Variants in CNTNAP2 observed in about 807,000 individuals in gnomAD.
CNTNAP2 encodes the protein contactin-associated protein-like 2.
CNTNAP2 carries 98 observed loss-of-function variants against 155.2 expected under a neutral mutation model. The ratio of observed to expected loss-of-function variants is 0.63; its 90% CI spans 0.54 to 0.75. The LOEUF (loss-of-function observed/expected upper bound fraction) is 0.75, where lower values mean the gene tolerates loss of function less well. Among genes scored for constraint, CNTNAP2 ranks in the 30% least tolerant of loss-of-function variants. The pLI is 0.00. For missense variants in CNTNAP2, 1,727 were observed against 1,688.1 expected (o/e 1.02, Z -0.40); for synonymous variants, 651 against 631.2 (o/e 1.03, Z -0.47).
intron 21 of CNTNAP2, among the ~76,000 whole-genome samples, chr7:148,289,131 C>T (rs1315633546): frequency 1.3e-5 from 2 of 152,096 alleles, no homozygotes; most frequent in African/African-American, 4.8e-5. Context: ...ACCCTATCAG[C>T]TCAGCGCTCT....
chr7:148,018,551 C>T (rs1802221513), intron 15 of CNTNAP2, among the ~76,000 whole-genome samples: 1 of 152,178 alleles, frequency 6.6e-6, no homozygotes, highest in African/African-American at 2.4e-5. Context: ...AAGGAGAAGG[C>T]ATGAATGTTG....
At chr7:146,153,976 C>T (rs1043496872) in intron 1 of CNTNAP2, among the ~76,000 whole-genome samples, 1 of 151,886 alleles carries the variant, frequency 6.6e-6, no homozygotes, top group Non-Finnish European at 1.5e-5. Context: ...TTTTTAAATA[C>T]ATTCATATGA....
intron 11 of CNTNAP2, among the ~76,000 whole-genome samples, chr7:147,489,216 T>A (rs561420047): frequency 6.6e-6 from 1 of 152,302 alleles, no homozygotes; most frequent in African/African-American, 2.4e-5. Flanking sequence ...ACTTTGTTTT[T>A]ACGTAAATTA....
In CNTNAP2 at chr7:147,081,417, C is replaced by CTTTTTTT. The variant is rs3083770; in HGVS notation, c.551-26720_551-26714dup. On this transcript the variant is annotated intron_variant, in intron 4 of 23. Transcript: ENST00000361727. ...CTCATCACTTAAAAACTAAGAGATT[C>CTTTTTTT]TTTTTTTTTTTTTTTTCTGAGACAG... 1.4e-5 allele frequency: 2 copies of CTTTTTTT among 140,248 alleles called. 1 individual carries two copies. Among genetic ancestry groups the CTTTTTTT allele is most frequent in the Non-Finnish European group, 3.0e-5 (2 of 65,802 alleles). 8.7% of individuals were successfully genotyped at this position (140,248 alleles called of 1,614,324 possible). A position where few individuals can be genotyped will look rare whatever the true frequency, so the allele number is the denominator to read the frequency against.
intron 3 of CNTNAP2, among the ~76,000 whole-genome samples, chr7:146,934,230 G>A (rs1237355071): frequency 1.3e-5 from 2 of 151,940 alleles, no homozygotes; most frequent in African/African-American, 4.8e-5. Flanking sequence ...AGAAAATGTG[G>A]CACATATACA....
At chr7:146,984,480 T>G (rs1271191359) in intron 3 of CNTNAP2, among the ~76,000 whole-genome samples, 3 of 152,186 alleles carry the variant, frequency 2.0e-5, no homozygotes, top group Non-Finnish European at 4.4e-5. Context: ...ATTCTGTTTT[T>G]TATTCTTTGT....
intron 3 of CNTNAP2, among the ~76,000 whole-genome samples, chr7:147,027,912 T>G (rs1798953651): frequency 6.6e-6 from 1 of 152,168 alleles, no homozygotes; most frequent in African/African-American, 2.4e-5. Context: ...TAAACACAGT[T>G]TTGATGATAA....
intron 1 of CNTNAP2, among the ~76,000 whole-genome samples, chr7:146,460,222 C>A (rs1414223104): frequency 6.6e-6 from 1 of 152,010 alleles, no homozygotes; most frequent in Non-Finnish European, 1.5e-5. Flanking sequence ...AAAAGCAGTT[C>A]AATACATTAC....
intron 12 of CNTNAP2, among the ~76,000 whole-genome samples, chr7:147,587,368 C>A (rs1479126095): frequency 1.3e-5 from 2 of 152,138 alleles, no homozygotes; most frequent in Non-Finnish European, 2.9e-5. Flanking sequence ...AGTTGGTGAG[C>A]CTTCCTCTGT....
At chr7:147,934,451 A>C (rs901778722) in intron 14 of CNTNAP2, among the ~76,000 whole-genome samples, 1 of 152,148 alleles carries the variant, frequency 6.6e-6, no homozygotes, top group Non-Finnish European at 1.5e-5. Flanking sequence ...CTATCATGAG[A>C]ACAGCATGGG....
At chr7:146,949,593 A>G (rs1797267288) in intron 3 of CNTNAP2, among the ~76,000 whole-genome samples, 1 of 152,138 alleles carries the variant, frequency 6.6e-6, no homozygotes, top group South Asian at 2.1e-4. Context: ...CCCTTGCATT[A>G]TTTAGTCATA....
rs540072456 is a variant in CNTNAP2, at chr7:146,661,793, T to C, written c.98-112478T>C. 6.6e-5 allele frequency among the ~76,000 whole-genome samples: 10 copies of C among 151,610 alleles called. No homozygotes were observed. In the East Asian group the frequency reaches 1.2e-3, roughly 18 times the overall value. On this transcript the variant is annotated intron_variant, in intron 1 of 23. Coordinates refer to ENST00000361727, the MANE Select transcript of CNTNAP2 (RefSeq NM_014141.6). ...ATGTACAGATCATTGTGTAGGCACA[T>C]GTATTCATTATTGTTGGGTAACAAT...
chr7:146,378,849 C>A (rs1337175778), intron 1 of CNTNAP2, among the ~76,000 whole-genome samples: 1 of 152,166 alleles, frequency 6.6e-6, no homozygotes, highest in Non-Finnish European at 1.5e-5. Flanking sequence ...TATACATTTG[C>A]TGAAGCAAAG....
At chr7:147,034,875 A>C (rs896451212) in intron 3 of CNTNAP2, among the ~76,000 whole-genome samples, 1 of 152,320 alleles carries the variant, frequency 6.6e-6, no homozygotes, top group African/African-American at 2.4e-5. Context: ...TTGTAGGCAC[A>C]GGATGAAGGG....
intron 2 of CNTNAP2, among the ~76,000 whole-genome samples, chr7:146,837,729 C>T (rs2129200047): frequency 6.6e-6 from 1 of 152,222 alleles, no homozygotes; most frequent in East Asian, 1.9e-4. Context: ...AATTTTTGGT[C>T]AGATTTATCT....
intron 13 of CNTNAP2, among the ~76,000 whole-genome samples, chr7:147,752,099 T>G (rs1445084792): frequency 1.3e-5 from 2 of 152,214 alleles, no homozygotes; most frequent in Non-Finnish European, 2.9e-5. Flanking sequence ...ATAAAATTAC[T>G]TATCTAACTG....
intron 1 of CNTNAP2, among the ~76,000 whole-genome samples, chr7:146,484,109 A>C (rs77070369): frequency 0.027 from 4,102 of 152,300 alleles, 182 homozygotes; most frequent in African/African-American, 0.091. Flanking sequence ...TTAGATACAC[A>C]AATACCATTG....
chr7:147,822,926 G>C (rs1798384696), intron 13 of CNTNAP2, among the ~76,000 whole-genome samples: 1 of 152,154 alleles, frequency 6.6e-6, no homozygotes, highest in Non-Finnish European at 1.5e-5. Context: ...CTCTGCAAGA[G>C]ACAAGGGTTG....
intron 3 of CNTNAP2, among the ~76,000 whole-genome samples, chr7:146,883,641 A>G (rs1312736289): frequency 1.3e-5 from 2 of 152,172 alleles, no homozygotes; most frequent in African/African-American, 4.8e-5. Flanking sequence ...ACATACAGCC[A>G]ATACACACAC....
Sources: allele counts gnomAD v4.1 joint callset (sites outside exome capture counted in the v4.1 genomes callset), GRCh38; gene constraint gnomAD v4.1.1; transcripts MANE v1.5; gene names NCBI Gene and HGNC (gene_info 2026-07-23, HGNC 2026-07-21).